TXNDC15: variants seen among roughly 807,000 people sequenced by gnomAD.
The protein encoded by TXNDC15 is thioredoxin domain containing 15.
In TXNDC15, 24 loss-of-function variants were observed where a neutral mutation model predicts 35.0. The ratio of observed to expected loss-of-function variants is 0.68; its 90% CI spans 0.50 to 0.96. The LOEUF is 0.96. Ranked by LOEUF, TXNDC15 falls within the 40% of genes least tolerant of loss-of-function variation. The pLI, the probability that TXNDC15 is intolerant of heterozygous loss-of-function variation, is 0.00. For synonymous variants in TXNDC15, 169 were observed against 174.0 expected, an observed-to-expected ratio of 0.97 and a Z score of 0.23; for missense variants, 385 against 453.3, an observed-to-expected ratio of 0.85 and a Z score of 1.37.
At chr5:134,883,984 C>T (rs1227461078) in intron 1 of TXNDC15, among the ~76,000 whole-genome samples, 1 of 150,050 alleles carries the variant, frequency 6.7e-6, no homozygotes, top group East Asian at 2.0e-4. Context: ...TTTGGGATGC[C>T]GAGGCGGGAG....
At position 134,898,663 on chromosome 5, in the gene TXNDC15, C is replaced by T. The variant is rs192453820; in HGVS notation, c.887-826C>T. On this transcript the variant is annotated intron_variant, in intron 4 of 4. Transcript: ENST00000358387. ...TTCGATTGATGTGTGGAGAGGGAGCCATTTTATTCAGTGCTCTAAGAAAAC... is the reference window on the plus strand; with the variant it reads ...TTCGATTGATGTGTGGAGAGGGAGCTATTTTATTCAGTGCTCTAAGAAAAC... Among the ~76,000 whole-genome samples the T allele has an allele frequency of 2.6e-3, 403 of 152,282 alleles. 1 individual carries two copies. Among genetic ancestry groups the T allele is most frequent in the Admixed American group, 6.5e-3 (100 of 15,286 alleles).
intron 2 of TXNDC15, among the ~76,000 whole-genome samples, chr5:134,891,316 TA>T (rs1334964456): frequency 2.6e-5 from 4 of 152,230 alleles, no homozygotes; most frequent in Non-Finnish European, 4.4e-5. Context: ...TAATAAGAGT[TA>T]AAAGTTGAAA....
At chr5:134,889,441 C>G (rs1267260218) in intron 2 of TXNDC15, among the ~76,000 whole-genome samples, 2 of 152,326 alleles carry the variant, frequency 1.3e-5, no homozygotes, top group East Asian at 1.9e-4. Context: ...CCAGGCTGGT[C>G]TCAAATTCCC....
rs1749990224 is a variant in TXNDC15 at position 134,874,477 on chromosome 5, G to A, written c.50G>A (p.Gly17Asp). 2 of 1,606,324 alleles carry A rather than the reference G, an allele frequency of 1.2e-6. No individual in the cohort carries two copies. The highest frequency in any genetic ancestry group is 1.7e-6 in the Non-Finnish European group (2 of 1,178,058). Reference protein sequence around the residue: ...RRPPRVMRLLGWWQVLLWVLG... With the variant: ...RRPPRVMRLLDWWQVLLWVLG... ...CCGCCCCGCGTCATGCGGCTCCTCG[G>A]CTGGTGGCAAGTATTGCTGTGGGTG... The change falls in exon 1 of 5, where the codon GGC becomes GAC. Residue 17 changes from glycine (G) to aspartate (D), a missense_variant. Gly to Asp is a moderately conservative substitution (Grantham distance 94, BLOSUM62 -1). Coordinates refer to ENST00000358387, the MANE Select transcript of TXNDC15 (RefSeq NM_024715.4).
intron 1 of TXNDC15, among the ~76,000 whole-genome samples, chr5:134,885,257 A>G (rs532665056): frequency 6.6e-6 from 1 of 152,286 alleles, no homozygotes; most frequent in South Asian, 2.1e-4. Context: ...TCTGGGGTAC[A>G]GTGAAGTTAC....
At chr5:134,898,108 G>C (rs944216123) in intron 4 of TXNDC15, among the ~76,000 whole-genome samples, 8 of 152,020 alleles carry the variant, frequency 5.3e-5, no homozygotes, top group African/African-American at 1.4e-4. Flanking sequence ...CCACAGTCTT[G>C]ACTCCTAATA....
At chr5:134,893,412 A>G (rs1750425844) in intron 2 of TXNDC15, 80 bp from the exon 3 acceptor site, 1 of 1,551,224 alleles carries the variant, frequency 6.4e-7, no homozygotes, top group East Asian at 2.3e-5. Context: ...CTGGAGCAGC[A>G]GTGTGTCCTG....
chr5:134,875,449 T>G (rs1750015618), intron 1 of TXNDC15: 1 of 453,402 alleles, frequency 2.2e-6, no homozygotes, highest in East Asian at 6.9e-5. Flanking sequence ...GTGTACCAGA[T>G]GCTGTGCTCA....
chr5:134,878,596 C>T (rs1750084202), intron 1 of TXNDC15, among the ~76,000 whole-genome samples: 1 of 152,230 alleles, frequency 6.6e-6, no homozygotes, highest in Non-Finnish European at 1.5e-5. Context: ...CTAGGGCTCC[C>T]TGGCAGAATT....
At chr5:134,894,408 C>A (rs1161599396) in intron 3 of TXNDC15, among the ~76,000 whole-genome samples, 1 of 148,668 alleles carries the variant, frequency 6.7e-6, no homozygotes, top group East Asian at 2.0e-4. Context: ...TGCTCTGTCA[C>A]CCAGGCTGGA....
chr5:134,896,319 G>C lies in TXNDC15; in HGVS notation c.781G>C (p.Ala261Pro). ...SSLSTRFGTVAVPNILLFQGA... is the reference protein window; with the variant it reads ...SSLSTRFGTVPVPNILLFQGA... ...CCTTTCTACCAGGTTTGGCACCGTA[G>C]CTGTTCCTAATATTTTATTATTTCA... The change falls in exon 4 of 5, where the codon GCT (alanine) becomes CCT (proline). Residue 261 changes from alanine (A) to proline (P), a missense_variant. Physicochemically the swap from Ala to Pro is conservative, Grantham distance 27. Coordinates refer to ENST00000358387, the MANE Select transcript of TXNDC15 (RefSeq NM_024715.4). 1.2e-6 allele frequency: 2 copies of C among 1,613,748 alleles called. No individual in the cohort carries two copies. The highest frequency in any genetic ancestry group is 1.7e-6 in the Non-Finnish European group (2 of 1,179,894).
chr5:134,896,504 AATCCTTAAGTGAAGG>A, intron 4 of TXNDC15, 80 bp downstream of exon 4: 1 of 1,553,834 alleles, frequency 6.4e-7, no homozygotes, highest in Non-Finnish European at 8.7e-7. Context: ...GATCTGCTAT[AATCCTTAAGTGAAGG>A]ATTCAAGACT....
chr5:134,874,554 C>G, intron 1 of TXNDC15, 24 bp downstream of exon 1: 1 of 1,573,432 alleles, frequency 6.4e-7, no homozygotes, highest in East Asian at 2.4e-5. Flanking sequence ...GGGGGCGGTG[C>G]ATGAGATGAT....
chr5:134,881,435 T>C (rs1312811665), intron 1 of TXNDC15, among the ~76,000 whole-genome samples: 2 of 88,998 alleles, frequency 2.2e-5, no homozygotes, highest in East Asian at 2.7e-4. Flanking sequence ...AAAGCACATC[T>C]TGCACCGCCC....
At position 134,899,764 on chromosome 5, in the gene TXNDC15, TC is replaced by T. The variant is rs1372668301; in HGVS notation, c.*81del. 2 of 1,201,518 alleles carry T rather than the reference TC, an allele frequency of 1.7e-6. No homozygotes were observed. The highest frequency in any genetic ancestry group is 2.3e-6 in the Non-Finnish European group (2 of 868,094). 74.4% of individuals were successfully genotyped at this position (1,201,518 alleles called of 1,614,324 possible). The stretch of plus-strand genomic sequence containing the variant: ...TAGTGCTACAGTTTCATACATTTTC[TC>T]CAGTGACGTGTTGACTTGAAACTTC... On this transcript the variant is annotated 3_prime_UTR_variant, in exon 5 of 5. Coordinates refer to ENST00000358387, the MANE Select transcript of TXNDC15 (RefSeq NM_024715.4).
intron 1 of TXNDC15, among the ~76,000 whole-genome samples, chr5:134,886,761 G>A (rs1045612729): frequency 2.6e-5 from 4 of 152,228 alleles, no homozygotes; most frequent in Non-Finnish European, 5.9e-5. Flanking sequence ...CAGCATCCCC[G>A]AGGTATCATG....
At chr5:134,887,373 C>T (rs537291672) in intron 1 of TXNDC15, among the ~76,000 whole-genome samples, 21 of 152,184 alleles carry the variant, frequency 1.4e-4, no homozygotes, top group African/African-American at 5.1e-4. Flanking sequence ...TTAATAGAGA[C>T]AGGGTTTCAC....
At chr5:134,874,847 T>G (rs1460860884) in intron 1 of TXNDC15, among the ~76,000 whole-genome samples, 1 of 152,266 alleles carries the variant, frequency 6.6e-6, no homozygotes, top group East Asian at 1.9e-4. Context: ...GATAAGCAAT[T>G]TATTATTAAT....
chr5:134,890,883 A>G (rs960875220), intron 2 of TXNDC15, among the ~76,000 whole-genome samples: 2 of 152,240 alleles, frequency 1.3e-5, no homozygotes, highest in African/African-American at 4.8e-5. Context: ...CTTTGTCGTC[A>G]TTTCAACAGT....
Sources: gnomAD v4.1 joint callset for allele counts (sites outside exome capture counted in the v4.1 genomes callset) on GRCh38, gnomAD v4.1.1 for gene constraint, MANE v1.5 for transcripts, NCBI Gene and HGNC (gene_info 2026-07-23, HGNC 2026-07-21) for gene names.